PLCL1: variants seen among roughly 807,000 people sequenced by gnomAD.
The protein encoded by PLCL1 is phospholipase C like 1 (inactive), also known as inactive phospholipase C-like protein 1.
PLCL1 carries 41 observed loss-of-function variants against 84.4 expected under a neutral mutation model. That is an observed-to-expected ratio of 0.49 (90% CI 0.38 to 0.63). The LOEUF (loss-of-function observed/expected upper bound fraction) is 0.63, where lower values mean the gene tolerates loss of function less well. PLCL1 is among the 30% of genes least tolerant of loss of function. The pLI is 0.00. For missense variants in PLCL1, 1,206 were observed against 1,367.8 expected (o/e 0.88, Z 1.87); for synonymous variants, 490 against 488.3 (o/e 1.00, Z -0.05).
chr2:197,836,926 C>T (rs1691203952), intron 1 of PLCL1, among the ~76,000 whole-genome samples: 1 of 152,088 alleles, frequency 6.6e-6, no homozygotes, highest in Non-Finnish European at 1.5e-5. Context: ...TGTTGAACTC[C>T]TAAACTCAAG....
At chr2:197,828,530 T>C (rs1002026231) in intron 1 of PLCL1, among the ~76,000 whole-genome samples, 1 of 152,122 alleles carries the variant, frequency 6.6e-6, no homozygotes, top group African/African-American at 2.4e-5. Flanking sequence ...AACAATCAAG[T>C]GTGGCTTTTG....
chr2:198,096,313 C>T (rs1422600005), intron 3 of PLCL1, among the ~76,000 whole-genome samples: 1 of 152,160 alleles, frequency 6.6e-6, no homozygotes, highest in Non-Finnish European at 1.5e-5. Flanking sequence ...ACCACCTCTG[C>T]CACCTGGTAC....
rs1427812704 is a variant in PLCL1 at position 197,866,119 on chromosome 2, T to C, written c.240+60780T>C. Among the ~76,000 whole-genome samples, 82 of 37,990 alleles carry C rather than the reference T, an allele frequency of 2.2e-3. 16 individuals carry two copies. The highest frequency in any genetic ancestry group is 2.9e-3 in the Non-Finnish European group (67 of 23,426). 24.9% of individuals were successfully genotyped at this position (37,990 alleles called of 152,430 possible). A position where few individuals can be genotyped will look rare whatever the true frequency, so the allele number is the denominator to read the frequency against. On this transcript the variant is annotated intron_variant, in intron 1 of 5. Coordinates refer to ENST00000428675, the MANE Select transcript of PLCL1 (RefSeq NM_006226.4). ...TATATATATATAAACTATATATATA[T>C]ATAAACTATATATATATATAAACTA...
At chr2:198,077,868 C>T (rs1415251707) in intron 1 of PLCL1, among the ~76,000 whole-genome samples, 2 of 152,170 alleles carry the variant, frequency 1.3e-5, no homozygotes, top group African/African-American at 4.8e-5. Flanking sequence ...AAACCAAAAA[C>T]CTAGAAGTCA....
intron 1 of PLCL1, among the ~76,000 whole-genome samples, chr2:197,861,412 C>T (rs1384000709): frequency 1.3e-5 from 2 of 152,156 alleles, no homozygotes; most frequent in Non-Finnish European, 2.9e-5. Context: ...CATCTCTTAT[C>T]TGGTGTTCAT....
chr2:198,120,908 T>G (rs1274052039), intron 5 of PLCL1, among the ~76,000 whole-genome samples: 2 of 152,122 alleles, frequency 1.3e-5, no homozygotes, highest in Non-Finnish European at 2.9e-5. Context: ...TTCTCCATAG[T>G]GGCTGTACTA....
rs577132903 is a variant in PLCL1 at position 197,985,998 on chromosome 2, G to A, written c.241-97760G>A. 4.6e-5 allele frequency among the ~76,000 whole-genome samples: 7 copies of A among 152,322 alleles called. No individual in the cohort carries two copies. The South Asian group carries it at 1.5e-3, about 32-fold the overall frequency. ...AATAAAAACCTAGTACCTACAGAAG[G>A]GCATTTGGACAGGACCAAAACCTTC... On this transcript the variant is annotated intron_variant, in intron 1 of 5. Transcript: ENST00000428675.
rs575671555 is a variant in PLCL1, at chr2:197,973,702, C to T, written c.241-110056C>T. Among the ~76,000 whole-genome samples the T allele has an allele frequency of 3.3e-5, 5 of 152,144 alleles. No individual in the cohort carries two copies. The East Asian group carries it at 7.7e-4, about 24-fold the overall frequency. ...GGAAAAGGAAGAAGTCCAGTGTGGC[C>T]GGAGTACATGAGCAAAGGGGAGCAT... is the stretch of plus-strand genomic sequence containing the variant. On this transcript the variant is annotated intron_variant, in intron 1 of 5. Coordinates refer to ENST00000428675, the MANE Select transcript of PLCL1 (RefSeq NM_006226.4).
chr2:198,060,873 TA>T (rs1295402529), intron 1 of PLCL1, among the ~76,000 whole-genome samples: 4 of 152,126 alleles, frequency 2.6e-5, no homozygotes, highest in Admixed American at 6.5e-5. Context: ...AAAATGAACA[TA>T]AGGAATGTTA....
At chr2:197,933,771 A>G (rs1243005252) in intron 1 of PLCL1, among the ~76,000 whole-genome samples, 1 of 152,110 alleles carries the variant, frequency 6.6e-6, no homozygotes, top group Non-Finnish European at 1.5e-5. Flanking sequence ...TTCTTATTCT[A>G]TATTAAATGC....
At position 197,876,653 on chromosome 2, in the gene PLCL1, G is replaced by A. The variant is rs75697571; in HGVS notation, c.240+71314G>A. ...TTATTGCAGGATTGTTTTTGGAGGG[G>A]GCTATTTTTGGTAGAAGTGAGTTCT... On this transcript the variant is annotated intron_variant, in intron 1 of 5. Coordinates refer to ENST00000428675, the MANE Select transcript of PLCL1 (RefSeq NM_006226.4). 4.5e-3 allele frequency among the ~76,000 whole-genome samples: 680 copies of A among 152,030 alleles called. 7 individuals carry two copies. The highest frequency in any genetic ancestry group is 0.015 in the African/African-American group (632 of 41,504).
chr2:197,831,728 C>T (rs1251842060), intron 1 of PLCL1, among the ~76,000 whole-genome samples: 1 of 152,204 alleles, frequency 6.6e-6, no homozygotes, highest in African/African-American at 2.4e-5. Flanking sequence ...TTCTTCTCAG[C>T]ACCACATAGC....
rs1190844451 is a variant in PLCL1, at chr2:198,118,330, G to C, written c.3105+14394G>C. Among the ~76,000 whole-genome samples the C allele has an allele frequency of 2.0e-5, 3 of 151,830 alleles. No homozygotes were observed. In the East Asian group the frequency reaches 5.8e-4, roughly 30 times the overall value. On this transcript the variant is annotated intron_variant, in intron 5 of 5. Transcript: ENST00000428675. ...TTAAAAATTGCTGGGTTCATCTCAG[G>C]AAGCATAATTTTGTTCTAGAGATTC...
At chr2:197,898,420 T>C (rs1345826024) in intron 1 of PLCL1, among the ~76,000 whole-genome samples, 2 of 152,190 alleles carry the variant, frequency 1.3e-5, no homozygotes, top group Non-Finnish European at 2.9e-5. Context: ...TTATAGCTTG[T>C]CATTCTCTAA....
intron 5 of PLCL1, among the ~76,000 whole-genome samples, chr2:198,130,736 C>A (rs1181666832): frequency 6.6e-6 from 1 of 152,082 alleles, no homozygotes; most frequent in Admixed American, 6.5e-5. Flanking sequence ...TAACTCTCCA[C>A]CTCTAATTGG....
Position 198,084,049 on chromosome 2 carries a change from A to C in PLCL1, c.532A>C (p.Asn178His). ...LGKNTETFRNNGLADQICEDC... is the reference protein window; with the variant it reads ...LGKNTETFRNHGLADQICEDC... ...GAAAAACACGGAAACATTTAGAAAC[A>C]ATGGCCTTGCTGACCAGATCTGTGA... is the stretch of plus-strand genomic sequence containing the variant. Residue 178 changes from asparagine to histidine, a missense_variant, in exon 2 of 6, where the codon AAT becomes CAT. Transcript: ENST00000428675. The C allele has an allele frequency of 6.2e-7, 1 of 1,614,198 alleles. No homozygotes were observed. The highest frequency in any genetic ancestry group is 8.5e-7 in the Non-Finnish European group (1 of 1,180,012).
At chr2:198,034,596 T>C (rs1172185078) in intron 1 of PLCL1, among the ~76,000 whole-genome samples, 1 of 152,188 alleles carries the variant, frequency 6.6e-6, no homozygotes, top group Non-Finnish European at 1.5e-5. Context: ...AGACTTCCTG[T>C]CCCCTTATAC....
At chr2:197,992,527 G>T (rs993368458) in intron 1 of PLCL1, among the ~76,000 whole-genome samples, 1 of 152,104 alleles carries the variant, frequency 6.6e-6, no homozygotes, top group Non-Finnish European at 1.5e-5. Flanking sequence ...GCCTCCCAAA[G>T]TGTCGAAATT....
At chr2:198,019,666 G>A (rs980241215) in intron 1 of PLCL1, among the ~76,000 whole-genome samples, 5 of 152,122 alleles carry the variant, frequency 3.3e-5, no homozygotes, top group Non-Finnish European at 4.4e-5. Flanking sequence ...ATGAAATAAA[G>A]CATGAAGACA....
Sources: gnomAD v4.1 joint callset for allele counts (sites outside exome capture counted in the v4.1 genomes callset) on GRCh38, gnomAD v4.1.1 for gene constraint, MANE v1.5 for transcripts, NCBI Gene and HGNC (gene_info 2026-07-23, HGNC 2026-07-21) for gene names.